Variants in CDYL observed in about 807,000 individuals in gnomAD.
CDYL encodes the protein chromodomain Y-like protein.
A neutral mutation model predicts 47.3 loss-of-function variants in CDYL; 8 were observed. The ratio of observed to expected loss-of-function variants is 0.17; its 90% CI spans 0.10 to 0.31. CDYL has a LOEUF of 0.31. Ranked by LOEUF, CDYL falls within the 10% of genes least tolerant of loss-of-function variation. The pLI, the probability that CDYL is intolerant of heterozygous loss-of-function variation, is 1.00. For missense variants in CDYL, 471 were observed against 701.4 expected (o/e 0.67, Z 3.71); for synonymous variants, 266 against 265.0 (o/e 1.00, Z -0.04).
intron 2 of CDYL, among the ~76,000 whole-genome samples, chr6:4,910,970 A>G (rs1757396485): frequency 1.3e-5 from 2 of 152,152 alleles, no homozygotes; most frequent in South Asian, 4.2e-4. Flanking sequence ...AGTAGCTGGG[A>G]CTACAGGCGC....
intron 3 of CDYL, among the ~76,000 whole-genome samples, chr6:4,744,832 A>C (rs887775795): frequency 6.6e-6 from 1 of 152,178 alleles, no homozygotes; most frequent in Non-Finnish European, 1.5e-5. Context: ...ATTGTTTGTA[A>C]AGTAGATTTG....
chr6:4,872,239 C>G (rs1015159575), intron 1 of CDYL, among the ~76,000 whole-genome samples: 11 of 151,586 alleles, frequency 7.3e-5, no homozygotes, highest in African/African-American at 2.7e-4. Flanking sequence ...TGAAACCTGT[C>G]ATGACCTTTA....
At chr6:4,725,868 A>G (rs1475521000) in intron 2 of CDYL, among the ~76,000 whole-genome samples, 3 of 152,118 alleles carry the variant, frequency 2.0e-5, no homozygotes, top group African/African-American at 7.2e-5. Flanking sequence ...GTCACCTCTC[A>G]CTCTTATCAA....
rs370835096 is a variant in CDYL, at chr6:4,897,951, G to C, written c.691+5572G>C. Among the ~76,000 whole-genome samples the C allele has an allele frequency of 3.3e-4, 50 of 152,032 alleles. No homozygotes were observed. The East Asian group carries it at 8.9e-3, about 27-fold the overall frequency. On this transcript the variant is annotated intron_variant, in intron 2 of 6. Transcript: ENST00000397588. ...AGGTGCCTGTAGTCCCAGCTACTCG[G>C]GAGGCTGAGGCAGGAGAAAGGCGTG...
chr6:4,725,693 C>T (rs1757499365), intron 2 of CDYL, among the ~76,000 whole-genome samples: 1 of 152,256 alleles, frequency 6.6e-6, no homozygotes, highest in African/African-American at 2.4e-5. Context: ...TCTCCCTCCA[C>T]ACCTTCCCGC....
At chr6:4,789,322 C>T (rs966601864) in intron 1 of CDYL, among the ~76,000 whole-genome samples, 1 of 152,186 alleles carries the variant, frequency 6.6e-6, no homozygotes, top group Non-Finnish European at 1.5e-5. Context: ...GCAATCTGCT[C>T]CTTAGCCTCC....
chr6:4,855,163 A>G (rs910174002), intron 1 of CDYL, among the ~76,000 whole-genome samples: 8 of 152,208 alleles, frequency 5.3e-5, no homozygotes, highest in Non-Finnish European at 7.3e-5. Flanking sequence ...AAATTAATAG[A>G]TCTGCAATGG....
chr6:4,751,816 C>A (rs898989129), intron 3 of CDYL, among the ~76,000 whole-genome samples: 4 of 152,242 alleles, frequency 2.6e-5, no homozygotes, highest in African/African-American at 9.6e-5. Flanking sequence ...TCAAGGAAAT[C>A]TTGACTTTCA....
chr6:4,786,334 T>A (rs1230246035), intron 1 of CDYL, among the ~76,000 whole-genome samples: 1 of 152,244 alleles, frequency 6.6e-6, no homozygotes, highest in African/African-American at 2.4e-5. Flanking sequence ...TTTAGGCTGA[T>A]GTTTCAGGAA....
At chr6:4,808,577 T>C (rs1176073952) in intron 1 of CDYL, among the ~76,000 whole-genome samples, 3 of 152,198 alleles carry the variant, frequency 2.0e-5, no homozygotes, top group African/African-American at 7.2e-5. Context: ...TCTGGCCCGC[T>C]TGATGTTTTT....
At chr6:4,927,967 A>G (rs1031597669) in intron 2 of CDYL, among the ~76,000 whole-genome samples, 20 of 152,174 alleles carry the variant, frequency 1.3e-4, no homozygotes, top group Non-Finnish European at 1.6e-4. Context: ...TGATGCATGT[A>G]TCCTCATCAT....
intron 1 of CDYL, among the ~76,000 whole-genome samples, chr6:4,887,439 A>T (rs1230858862): frequency 3.3e-5 from 5 of 152,018 alleles, no homozygotes; most frequent in African/African-American, 1.2e-4. Context: ...TTTTGGTGAT[A>T]TAACTAAGAC....
In CDYL at chr6:4,726,244, A is replaced by G. The variant is rs73358633; in HGVS notation, c.104-8518A>G. The stretch of plus-strand genomic sequence containing the variant: ...GGCAACATTTGTCTCTACAAGAAAT[A>G]CAAAAAAATTAGGCCGGCGTGGCGG... On this transcript the variant is annotated intron_variant, in intron 2 of 8. Coordinates refer to the CDYL transcript ENST00000328908. 6.8e-3 allele frequency among the ~76,000 whole-genome samples: 1,042 copies of G among 152,250 alleles called. 20 individuals carry two copies. Among genetic ancestry groups the G allele is most frequent in the African/African-American group, 0.024 (994 of 41,516 alleles).
At chr6:4,879,482 T>C (rs1335225376) in intron 1 of CDYL, among the ~76,000 whole-genome samples, 2 of 151,484 alleles carry the variant, frequency 1.3e-5, no homozygotes, top group Non-Finnish European at 2.9e-5. Context: ...TAAGAAAAAA[T>C]AAATTTAGTT....
At chr6:4,797,287 A>T (rs1759098296) in intron 1 of CDYL, among the ~76,000 whole-genome samples, 1 of 152,228 alleles carries the variant, frequency 6.6e-6, no homozygotes, top group Non-Finnish European at 1.5e-5. Flanking sequence ...TAGAAAACAC[A>T]TCAATAATAC....
At chr6:4,811,792 TA>T (rs925620486) in intron 1 of CDYL, among the ~76,000 whole-genome samples, 22 of 152,070 alleles carry the variant, frequency 1.4e-4, no homozygotes, top group Admixed American at 6.5e-5. Flanking sequence ...TAACAAATAC[TA>T]AATTAATTTA....
chr6:4,932,716 A>G (rs924994874), intron 2 of CDYL, among the ~76,000 whole-genome samples: 2 of 152,160 alleles, frequency 1.3e-5, no homozygotes, highest in Non-Finnish European at 2.9e-5. Flanking sequence ...TCCTGTCCCA[A>G]CATGCCAGCA....
intron 2 of CDYL, among the ~76,000 whole-genome samples, chr6:4,921,482 T>G (rs1757715769): frequency 6.6e-6 from 1 of 152,196 alleles, no homozygotes; most frequent in Admixed American, 6.5e-5. Flanking sequence ...ATGTTTTATT[T>G]TTTCTCCTTA....
chr6:4,912,842 G>A (rs550429237), intron 2 of CDYL, among the ~76,000 whole-genome samples: 3 of 152,198 alleles, frequency 2.0e-5, no homozygotes, highest in Admixed American at 6.5e-5. Flanking sequence ...GCCACCAGTC[G>A]CACTCCCGTG....
Sources: allele counts gnomAD v4.1 joint callset (sites outside exome capture counted in the v4.1 genomes callset), GRCh38; gene constraint gnomAD v4.1.1; transcripts MANE v1.5; gene names NCBI Gene and HGNC (gene_info 2026-07-23, HGNC 2026-07-21).